The following FSTL4 variants were observed in gnomAD, a reference collection of about 807,000 sequenced individuals.
The protein encoded by FSTL4 is follistatin like 4, also known as follistatin-related protein 4.
Under a neutral mutation model 78.2 loss-of-function variants are expected in FSTL4, and 28 were observed. That is an observed-to-expected ratio of 0.36 (90% CI 0.27 to 0.49). The LOEUF is 0.49. Among genes scored for constraint, FSTL4 ranks in the 20% least tolerant of loss-of-function variants. The pLI is 0.98. For missense variants in FSTL4, 922 were observed against 1,084.9 expected (o/e 0.85, Z 2.11); for synonymous variants, 422 against 440.5 (o/e 0.96, Z 0.53).
intron 4 of FSTL4, among the ~76,000 whole-genome samples, chr5:133,352,357 C>CATATATATATATATGTGTAT (rs1754849886): frequency 7.0e-6 from 1 of 143,254 alleles, no homozygotes. Flanking sequence ...TATATATACA[C>CATATATATATATATGTGTAT]ACACATATAT....
At chr5:133,783,776 T>C in the FSTL4 span, among the ~76,000 whole-genome samples, 1 of 152,214 alleles carries the variant, frequency 6.6e-6, no homozygotes, top group African/African-American at 2.4e-5. Flanking sequence ...GGACTGTAGT[T>C]CAAGGGAAGT....
intron 3 of FSTL4, among the ~76,000 whole-genome samples, chr5:133,562,643 G>A (rs1430645400): frequency 6.6e-6 from 1 of 152,166 alleles, no homozygotes. Context: ...GACAGGGCTG[G>A]AACATGTGCG....
At chr5:133,707,216 T>C in the FSTL4 span, among the ~76,000 whole-genome samples, 2 of 152,158 alleles carry the variant, frequency 1.3e-5, no homozygotes, top group Non-Finnish European at 2.9e-5. Context: ...ATGATAGGTA[T>C]GATTTCATGG....
intron 3 of FSTL4, among the ~76,000 whole-genome samples, chr5:133,546,915 G>C (rs1202064917): frequency 1.3e-5 from 2 of 152,184 alleles, no homozygotes; most frequent in African/African-American, 4.8e-5. Context: ...AAGAATACAA[G>C]AGATATGGGG....
upstream of FSTL4, among the ~76,000 whole-genome samples, chr5:133,615,455 G>A (rs1346655471): frequency 6.6e-6 from 1 of 152,210 alleles, no homozygotes; most frequent in Admixed American, 6.5e-5. Context: ...GCCTGGGAGA[G>A]TCACACCTTT....
At chr5:133,510,078 T>C (rs530387009) in intron 3 of FSTL4, among the ~76,000 whole-genome samples, 1 of 152,248 alleles carries the variant, frequency 6.6e-6, no homozygotes, top group Non-Finnish European at 1.5e-5. Context: ...GTACGTTATA[T>C]CCTTTAATCC....
chr5:133,484,914 A>G (rs1435874368), intron 3 of FSTL4, among the ~76,000 whole-genome samples: 6 of 152,208 alleles, frequency 3.9e-5, no homozygotes, highest in Non-Finnish European at 8.8e-5. Flanking sequence ...CCTTGTATTT[A>G]TTAGGTAACA....
intron 4 of FSTL4, among the ~76,000 whole-genome samples, chr5:133,387,553 C>T (rs143630535): frequency 6.6e-6 from 1 of 152,258 alleles, no homozygotes; most frequent in African/African-American, 2.4e-5. Flanking sequence ...CAGGGCAGCT[C>T]TTCTACCTTC....
intron 2 of FSTL4, among the ~76,000 whole-genome samples, chr5:133,576,212 C>A (rs1173921978): frequency 2.0e-5 from 3 of 152,180 alleles, no homozygotes; most frequent in African/African-American, 7.2e-5. Flanking sequence ...AATGAGCACT[C>A]TCAAATTCTA....
chr5:133,656,597 A>T, the FSTL4 span, among the ~76,000 whole-genome samples: 2 of 152,128 alleles, frequency 1.3e-5, no homozygotes, highest in Admixed American at 6.5e-5. Flanking sequence ...CAAGTCTCAC[A>T]GGAGAGAACA....
At chr5:133,836,309 G>A in the FSTL4 span, among the ~76,000 whole-genome samples, 3 of 151,988 alleles carry the variant, frequency 2.0e-5, no homozygotes, top group African/African-American at 7.2e-5. Flanking sequence ...TAGCTAGTTA[G>A]TTATACATCG....
intron 3 of FSTL4, among the ~76,000 whole-genome samples, chr5:133,556,789 C>A (rs759312486): frequency 1.3e-5 from 2 of 152,112 alleles, no homozygotes; most frequent in Non-Finnish European, 2.9e-5. Flanking sequence ...CCTCCACCAA[C>A]CCCTTCCCAA....
At chr5:133,547,419 C>T (rs1759603776) in intron 3 of FSTL4, among the ~76,000 whole-genome samples, 1 of 152,114 alleles carries the variant, frequency 6.6e-6, no homozygotes, top group South Asian at 2.1e-4. Flanking sequence ...TTGTATTTTG[C>T]ATTGTGAGAA....
intron 3 of FSTL4, among the ~76,000 whole-genome samples, chr5:133,451,475 C>T (rs1053693835): frequency 2.0e-5 from 3 of 152,068 alleles, no homozygotes; most frequent in East Asian, 1.9e-4. Flanking sequence ...GCAGAAGAAT[C>T]GCTTGAACCC....
intron 6 of FSTL4, among the ~76,000 whole-genome samples, chr5:133,289,094 C>A (rs957138815): frequency 1.3e-5 from 2 of 152,178 alleles, no homozygotes; most frequent in African/African-American, 4.8e-5. Flanking sequence ...AGGTCAGATC[C>A]CAGCTGCCCT....
intron 14 of FSTL4, among the ~76,000 whole-genome samples, chr5:133,206,906 C>A: frequency 7.1e-6 from 1 of 140,748 alleles, no homozygotes. Context: ...TTCTCTGTAT[C>A]CTGTAAATTT....
chr5:133,512,656 TA>T (rs1473267620), intron 3 of FSTL4, among the ~76,000 whole-genome samples: 1 of 152,220 alleles, frequency 6.6e-6, no homozygotes, highest in Non-Finnish European at 1.5e-5. Context: ...GTATATTCTG[TA>T]ATAAGATAAA....
chr5:133,198,916 C>A lies in FSTL4; in HGVS notation c.*179G>T, dbSNP rs1750224197. The A allele has an allele frequency of 6.3e-6, 3 of 479,230 alleles. No individual in the cohort carries two copies. The highest frequency in any genetic ancestry group is 6.0e-5 in the South Asian group (1 of 16,704). 29.7% of individuals were successfully genotyped at this position (479,230 alleles called of 1,614,324 possible). A position where few individuals can be genotyped will look rare whatever the true frequency, so the allele number is the denominator to read the frequency against. The stretch of plus-strand genomic sequence containing the variant: ...TAAATCATACTTCCTAACGAAAAAA[C>A]CCCAATCTTGGTAGCAGCGCATACC... On this transcript the variant is annotated 3_prime_UTR_variant, in exon 16 of 16. Coordinates refer to ENST00000265342, the MANE Select transcript of FSTL4 (RefSeq NM_015082.2).
At chr5:133,431,497 CTG>C (rs879675006) in intron 3 of FSTL4, among the ~76,000 whole-genome samples, 3 of 152,190 alleles carry the variant, frequency 2.0e-5, no homozygotes, top group Non-Finnish European at 4.4e-5. Flanking sequence ...AGGAGATACT[CTG>C]AGACTACAAG....
Sources: allele counts gnomAD v4.1 joint callset (sites outside exome capture counted in the v4.1 genomes callset), GRCh38; gene constraint gnomAD v4.1.1; transcripts MANE v1.5; gene names NCBI Gene and HGNC (gene_info 2026-07-23, HGNC 2026-07-21).